SORCS1: variants seen among roughly 807,000 people sequenced by gnomAD.
The protein encoded by SORCS1 is sortilin related VPS10 domain containing receptor 1.
In SORCS1, 60 loss-of-function variants were observed where a neutral mutation model predicts 146.1. That is an observed-to-expected ratio of 0.41 (90% confidence interval 0.33 to 0.51). SORCS1 has a LOEUF of 0.51. SORCS1 is among the 20% of genes least tolerant of loss of function. SORCS1 has a pLI of 0.21. For synonymous variants in SORCS1, 637 were observed against 584.0 expected (o/e 1.09, Z -1.31); for missense variants, 1,352 against 1,487.6 (o/e 0.91, Z 1.50).
At chr10:106,782,931 T>C (rs1257463144) in intron 3 of SORCS1, among the ~76,000 whole-genome samples, 1 of 152,194 alleles carries the variant, frequency 6.6e-6, no homozygotes, top group Non-Finnish European at 1.5e-5. Context: ...TCTTCATGAA[T>C]GTGTACTTTT....
intron 1 of SORCS1, among the ~76,000 whole-genome samples, chr10:106,991,512 G>C (rs1956770785): frequency 6.6e-6 from 1 of 152,214 alleles, no homozygotes; most frequent in Admixed American, 6.5e-5. Flanking sequence ...TCTCTGAACA[G>C]ATCTTCTCCA....
chr10:106,786,370 C>T (rs1946054804), intron 3 of SORCS1, among the ~76,000 whole-genome samples: 1 of 152,150 alleles, frequency 6.6e-6, no homozygotes, highest in Non-Finnish European at 1.5e-5. Flanking sequence ...TTGGACCTCT[C>T]CCTTTCTCTC....
intron 1 of SORCS1, among the ~76,000 whole-genome samples, chr10:107,019,095 T>C (rs1213257213): frequency 2.0e-5 from 3 of 152,218 alleles, no homozygotes; most frequent in African/African-American, 4.8e-5. Flanking sequence ...GAGATTACAC[T>C]TGTGAACTGT....
chr10:107,043,262 T>C (rs1018103385), intron 1 of SORCS1, among the ~76,000 whole-genome samples: 5 of 152,150 alleles, frequency 3.3e-5, no homozygotes, highest in Non-Finnish European at 7.4e-5. Context: ...TAAACCCCGT[T>C]TTGCCCCATG....
intron 17 of SORCS1, among the ~76,000 whole-genome samples, chr10:106,662,756 CT>C (rs1289901223): frequency 2.0e-5 from 3 of 152,182 alleles, no homozygotes; most frequent in Non-Finnish European, 4.4e-5. Flanking sequence ...ATGAAATGAC[CT>C]TCCTCACCTT....
intron 2 of SORCS1, among the ~76,000 whole-genome samples, chr10:106,935,170 GTTAGCTCTTTTCCCAGT>G: frequency 6.6e-6 from 1 of 152,264 alleles, no homozygotes; most frequent in Non-Finnish European, 1.5e-5. Flanking sequence ...GTATTTTATA[GTTAGCTCTTTTCCCAGT>G]TAGCTTTTAC....
chr10:107,055,390 T>C (rs1331832690), intron 1 of SORCS1, among the ~76,000 whole-genome samples: 2 of 151,994 alleles, frequency 1.3e-5, no homozygotes, highest in Admixed American at 6.5e-5. Flanking sequence ...AGGCAGGACT[T>C]AATACATGTC....
rs147881008 is a variant in SORCS1 at position 107,044,126 on chromosome 10, T to A, written c.559-87546A>T. On this transcript the variant is annotated intron_variant, in intron 1 of 25. Coordinates refer to ENST00000263054, the MANE Select transcript of SORCS1 (RefSeq NM_052918.5). ...AAAAAAAGCCTGTGATGGAGAACCA[T>A]GTATAATGAAATCAGGAGATCTTTC... 4.6e-5 allele frequency among the ~76,000 whole-genome samples: 7 copies of A among 152,186 alleles called. No homozygotes were observed. The South Asian group carries it at 1.5e-3, about 32-fold the overall frequency.
chr10:107,037,011 C>T (rs1958933641), intron 1 of SORCS1, among the ~76,000 whole-genome samples: 1 of 151,664 alleles, frequency 6.6e-6, no homozygotes, highest in Non-Finnish European at 1.5e-5. Context: ...TTTGGGAGGC[C>T]GAGGCAGGTG....
chr10:106,891,531 G>A (rs981582245), intron 2 of SORCS1, among the ~76,000 whole-genome samples: 15 of 61,586 alleles, frequency 2.4e-4, no homozygotes, highest in African/African-American at 8.8e-4. Flanking sequence ...AAAAGACCTT[G>A]CTCTGTTGCC....
intron 2 of SORCS1, among the ~76,000 whole-genome samples, chr10:106,953,401 A>AT (rs929313484): frequency 2.6e-5 from 4 of 152,034 alleles, no homozygotes; most frequent in African/African-American, 4.8e-5. Context: ...GCTATACTGT[A>AT]TTTTTTTACT....
intron 10 of SORCS1, among the ~76,000 whole-genome samples, chr10:106,680,686 G>A (rs821928): frequency 0.8 from 121,476 of 152,150 alleles, 50,722 homozygotes; most frequent in Non-Finnish European, 0.93. Flanking sequence ...CTTGTACTGA[G>A]TTGTCAAAAA....
chr10:106,753,190 C>T (rs1858387276), intron 5 of SORCS1, among the ~76,000 whole-genome samples: 3 of 152,036 alleles, frequency 2.0e-5, no homozygotes, highest in Admixed American at 2.0e-4. Flanking sequence ...AGACTTCATC[C>T]TATTTCCAGT....
At chr10:106,998,658 C>T (rs576797264) in intron 1 of SORCS1, among the ~76,000 whole-genome samples, 130 of 152,302 alleles carry the variant, frequency 8.5e-4, no homozygotes, top group African/African-American at 3.1e-3. Context: ...AATGCCATCC[C>T]CTTTCATTTC....
intron 1 of SORCS1, among the ~76,000 whole-genome samples, chr10:107,104,077 G>C (rs1312790066): frequency 6.6e-6 from 1 of 152,006 alleles, no homozygotes; most frequent in Non-Finnish European, 1.5e-5. Context: ...AGAATGTACT[G>C]CCGGTGCAAC....
At chr10:106,915,434 G>A (rs574402654) in intron 2 of SORCS1, among the ~76,000 whole-genome samples, 1 of 151,662 alleles carries the variant, frequency 6.6e-6, no homozygotes, top group Non-Finnish European at 1.5e-5. Flanking sequence ...CTTCCTCTTC[G>A]ACCTTTCAAA....
At position 106,672,865 on chromosome 10, in the gene SORCS1, T is replaced by C; in HGVS notation, c.2058+3A>G. 1.9e-6 allele frequency: 3 copies of C among 1,612,854 alleles called. No homozygotes were observed. The highest frequency in any genetic ancestry group is 1.7e-6 in the Non-Finnish European group (2 of 1,178,860). On this transcript the variant is annotated splice_donor_region_variant and intron_variant, in intron 15 of 25. Coordinates refer to ENST00000263054, the MANE Select transcript of SORCS1 (RefSeq NM_052918.5). ...GCCTTAGTCTCAGTTCTTTTCCTCC[T>C]ACCTGGCTGTGCAGCTGCCAAGGTC...
At chr10:106,866,670 G>A (rs1195371397) in intron 2 of SORCS1, among the ~76,000 whole-genome samples, 1 of 152,154 alleles carries the variant, frequency 6.6e-6, no homozygotes, top group Non-Finnish European at 1.5e-5. Context: ...CCACACAACC[G>A]AGCAAGGATC....
intron 2 of SORCS1, among the ~76,000 whole-genome samples, chr10:106,916,913 T>C (rs1952470665): frequency 6.6e-6 from 1 of 152,094 alleles, no homozygotes; most frequent in Admixed American, 6.5e-5. Context: ...CCATGAATTT[T>C]TGTATTTTTA....
Sources: allele counts gnomAD v4.1 joint callset (sites outside exome capture counted in the v4.1 genomes callset), GRCh38; gene constraint gnomAD v4.1.1; transcripts MANE v1.5; gene names NCBI Gene and HGNC (gene_info 2026-07-23, HGNC 2026-07-21).